Variants in ELFN2 observed in about 807,000 individuals in gnomAD.
ELFN2 encodes the protein extracellular leucine rich repeat and fibronectin type III domain containing 2.
ELFN2 carries 17 observed loss-of-function variants against 45.5 expected under a neutral mutation model. The observed-to-expected ratio is 0.37, with a 90% CI of 0.26 to 0.56. ELFN2 has a LOEUF of 0.56. ELFN2 is among the 20% of genes least tolerant of loss of function. The pLI is 0.77. For synonymous variants in ELFN2, 550 were observed against 551.5 expected (o/e 1.00, Z 0.04); for missense variants, 922 against 1,183.2 (o/e 0.78, Z 3.24).
chr22:37,364,750 G>A (rs1051574301), downstream of ELFN2, among the ~76,000 whole-genome samples: 3 of 152,240 alleles, frequency 2.0e-5, no homozygotes, highest in Non-Finnish European at 2.9e-5. Context: ...GGGGTTGGTA[G>A]CAGTTGGAGA....
At chr22:37,400,745 C>T (rs1175113852) in intron 2 of ELFN2, among the ~76,000 whole-genome samples, 1 of 152,230 alleles carries the variant, frequency 6.6e-6, no homozygotes, top group Non-Finnish European at 1.5e-5. Flanking sequence ...TTTCCTTGAA[C>T]AAATAAAAGC....
At chr22:37,380,450 C>T (rs1029643852) in intron 2 of ELFN2, among the ~76,000 whole-genome samples, 8 of 152,200 alleles carry the variant, frequency 5.3e-5, no homozygotes, top group African/African-American at 1.9e-4. Flanking sequence ...ACAAACACAC[C>T]ACCCCAGGCT....
chr22:37,375,185 T>C lies in ELFN2; in HGVS notation c.350A>G (p.Asn117Ser). 6.2e-7 allele frequency: 1 copy of C among 1,614,028 alleles called. No individual in the cohort carries two copies. Among genetic ancestry groups the C allele is most frequent in the Non-Finnish European group, 8.5e-7 (1 of 1,180,004 alleles). Residue 117 changes from asparagine (N) to serine (S), a missense_variant, in exon 3 of 3, where the codon AAC (asparagine) becomes AGC (serine). By Grantham distance (46) the Asn-to-Ser change is conservative (BLOSUM62 1). Around this residue, in one of 2 missense-constraint regions of ELFN2, gnomAD observed 358 missense variants for 540.4 expected, o/e 0.66. Transcript: ENST00000402918. ...GCCTCGCAGCATGCCCTCCGTCAGG[T>C]TGCTGAGCTTGTTGTAGCCCAGCTG... ...VLQLGYNKLS[N>S]LTEGMLRGMS...
intron 1 of ELFN2, among the ~76,000 whole-genome samples, chr22:37,426,139 C>G (rs781507446): frequency 3.9e-5 from 6 of 151,954 alleles, no homozygotes; most frequent in South Asian, 2.1e-4. Flanking sequence ...GCCCTCCAGC[C>G]GCAGCTGCTG....
chr22:37,346,931 C>T (rs1156871456), intron 1 of ELFN2, among the ~76,000 whole-genome samples: 1 of 152,164 alleles, frequency 6.6e-6, no homozygotes, highest in Non-Finnish European at 1.5e-5. Flanking sequence ...CTCTCTGTCT[C>T]TGTCCCACAC....
intron 1 of ELFN2, among the ~76,000 whole-genome samples, chr22:37,344,235 T>C (rs78063468): frequency 2.1e-4 from 12 of 57,624 alleles, no homozygotes; most frequent in East Asian, 3.9e-4. Context: ...CACCTGCCCA[T>C]GCCCACCTGC....
chr22:37,390,717 G>A (rs1455735365), intron 2 of ELFN2, among the ~76,000 whole-genome samples: 2 of 152,184 alleles, frequency 1.3e-5, no homozygotes, highest in Non-Finnish European at 2.9e-5. Context: ...CCAAGACAGA[G>A]GTTCTAACCC....
At chr22:37,395,608 A>C (rs1157903298) in intron 2 of ELFN2, among the ~76,000 whole-genome samples, 1 of 152,166 alleles carries the variant, frequency 6.6e-6, no homozygotes, top group East Asian at 1.9e-4. Flanking sequence ...TGTGGCAGCC[A>C]GGAGCTGAGC....
Position 37,373,549 on chromosome 22 carries a change from C to T in ELFN2, c.1986G>A (p.Lys662=). ...TGAGGGGGCTGCCCTTCTCGATGTA[C>T]TTGGAGTCGCCCTTAGCCAGCCCTG... ...AATGLAKGDS[K]YIEKGSPLNS... Residue 662 remains lysine (K), a synonymous_variant, in exon 3 of 3, where the codon AAG becomes AAA. Transcript: ENST00000402918. The T allele has an allele frequency of 1.9e-6, 3 of 1,596,124 alleles. No individual in the cohort carries two copies. Among genetic ancestry groups the T allele is most frequent in the Non-Finnish European group, 2.6e-6 (3 of 1,172,982 alleles).
intron 2 of ELFN2, among the ~76,000 whole-genome samples, chr22:37,409,371 C>G (rs1932589697): frequency 6.6e-6 from 1 of 152,184 alleles, no homozygotes; most frequent in Non-Finnish European, 1.5e-5. Flanking sequence ...CAGCAGGGAA[C>G]AGCGTGGTCT....
chr22:37,401,194 A>G (rs1932354100), intron 2 of ELFN2, among the ~76,000 whole-genome samples: 1 of 152,272 alleles, frequency 6.6e-6, no homozygotes, highest in Non-Finnish European at 1.5e-5. Flanking sequence ...AAGGGTCTCC[A>G]AAAAGCAGGT....
intron 2 of ELFN2, among the ~76,000 whole-genome samples, chr22:37,379,433 G>A (rs1482174951): frequency 6.6e-6 from 1 of 152,180 alleles, no homozygotes; most frequent in African/African-American, 2.4e-5. Flanking sequence ...GCATTGGGGG[G>A]TGGCATGTTC....
At chr22:37,407,185 C>CT (rs386395364) in intron 2 of ELFN2, among the ~76,000 whole-genome samples, 1 of 103,490 alleles carries the variant, frequency 9.7e-6, no homozygotes, top group African/African-American at 6.3e-5. Context: ...CAAGAGGGCT[C>CT]GGGACTGGGA....
At chr22:37,359,742 GC>G (rs1191255846) in intron 1 of ELFN2, among the ~76,000 whole-genome samples, 1 of 152,242 alleles carries the variant, frequency 6.6e-6, no homozygotes. Flanking sequence ...CAGACTTGGA[GC>G]CTACCCTAAG....
intron 1 of ELFN2, among the ~76,000 whole-genome samples, chr22:37,348,839 C>T (rs1039115882): frequency 2.7e-5 from 4 of 150,386 alleles, no homozygotes; most frequent in Non-Finnish European, 4.5e-5. Flanking sequence ...CATGAGGGGT[C>T]GGGAGAAAAT....
At chr22:37,342,348 C>T (rs1016094386) in intron 2 of ELFN2, among the ~76,000 whole-genome samples, 1 of 152,200 alleles carries the variant, frequency 6.6e-6, no homozygotes, top group Non-Finnish European at 1.5e-5. Flanking sequence ...CTTTCTCTAG[C>T]CTCCCTCTAG....
At position 37,421,336 on chromosome 22, in the gene ELFN2, G is replaced by A. The variant is rs1458654952; in HGVS notation, c.-613-3417C>T. ...CAAGATAACAGAGAGCGCCTTGCCC[G>A]ATGCCTGGCACATAGCAGGTGCATA... On this transcript the variant is annotated intron_variant, in intron 1 of 2. Coordinates refer to ENST00000402918, the MANE Select transcript of ELFN2 (RefSeq NM_052906.5). 3.0e-4 allele frequency among the ~76,000 whole-genome samples: 45 copies of A among 152,218 alleles called. 1 individual carries two copies. Among genetic ancestry groups the A allele is most frequent in the Admixed American group, 2.8e-3 (43 of 15,284 alleles).
intron 1 of ELFN2, among the ~76,000 whole-genome samples, chr22:37,345,603 A>C (rs1489554654): frequency 1.3e-5 from 2 of 150,244 alleles, no homozygotes; most frequent in Non-Finnish European, 3.0e-5. Flanking sequence ...GCTGGAGTGC[A>C]ATGACACAAT....
intron 1 of ELFN2, among the ~76,000 whole-genome samples, chr22:37,425,146 AC>A (rs1293093411): frequency 6.6e-6 from 1 of 152,242 alleles, no homozygotes; most frequent in Non-Finnish European, 1.5e-5. Flanking sequence ...ATGCACTGAC[AC>A]ACTCACTCAT....
Sources: allele counts gnomAD v4.1 joint callset (sites outside exome capture counted in the v4.1 genomes callset), GRCh38; gene constraint gnomAD v4.1.1; regional missense constraint gnomAD v4.1.1; transcripts MANE v1.5; gene names NCBI Gene and HGNC (gene_info 2026-07-23, HGNC 2026-07-21).